NOL6: variants seen among roughly 807,000 people sequenced by gnomAD.
NOL6 encodes nucleolar RNA-associated protein.
A neutral mutation model predicts 131.7 loss-of-function variants in NOL6; 33 were observed. The ratio of observed to expected loss-of-function variants is 0.25; its 90% CI spans 0.19 to 0.33. The LOEUF is 0.33. Ranked by LOEUF, NOL6 falls within the 10% of genes least tolerant of loss-of-function variation. The pLI, the probability that NOL6 is intolerant of heterozygous loss-of-function variation, is 1.00. For synonymous variants in NOL6, 580 were observed against 605.7 expected, an observed-to-expected ratio of 0.96 and a Z score of 0.62; for missense variants, 1,297 against 1,494.5, an observed-to-expected ratio of 0.87 and a Z score of 2.18.
At position 33,463,322 on chromosome 9, in the gene NOL6, G is replaced by A. The variant is rs1388339632; in HGVS notation, c.3114C>T (p.Leu1038=). The A allele has an allele frequency of 2.5e-6, 4 of 1,614,112 alleles. No individual in the cohort carries two copies. The Admixed American group carries it at 5.0e-5, about 20-fold the overall frequency. ...TCAGGGATGAGGGCCCCGGCTGGCTGAGCAGGCCCCGGCAGAAGGAGGCAG... is the reference window on the plus strand; with the variant it reads ...TCAGGGATGAGGGCCCCGGCTGGCTAAGCAGGCCCCGGCAGAAGGAGGCAG... The part of the protein sequence containing the change: ...SPAASFCRGL[L]SQPGPSSLMP... The change falls in exon 24 of 26, where the codon CTC becomes CTT. Residue 1038 remains leucine (L), a synonymous_variant. Coordinates refer to ENST00000297990, the MANE Select transcript of NOL6 (RefSeq NM_022917.5).
At chr9:33,469,893 G>T in intron 4 of NOL6, 119 bp downstream of exon 4, 1 of 1,159,720 alleles carries the variant, frequency 8.6e-7, no homozygotes, top group Non-Finnish European at 1.2e-6. Context: ...GCAATGGTCT[G>T]CTCTTCTGAT....
Position 33,462,611 on chromosome 9 carries a change from C to T in NOL6, c.*53G>A. 6.3e-7 allele frequency: 1 copy of T among 1,598,420 alleles called. No homozygotes were observed. On this transcript the variant is annotated 3_prime_UTR_variant, in exon 26 of 26. Coordinates refer to ENST00000297990, the MANE Select transcript of NOL6 (RefSeq NM_022917.5). Reference sequence around the variant, plus strand: ...TGGAGGTCATCCTACTGACATCTTGCTCTAGAGGTCCAATGTCCTGCTGTC... The same window carrying T: ...TGGAGGTCATCCTACTGACATCTTGTTCTAGAGGTCCAATGTCCTGCTGTC...
chr9:33,473,864 C>A lies in NOL6; in HGVS notation c.-22G>T. 6.3e-7 allele frequency: 1 copy of A among 1,594,334 alleles called. No individual in the cohort carries two copies. The highest frequency in any genetic ancestry group is 8.5e-7 in the Non-Finnish European group (1 of 1,179,726). The stretch of plus-strand genomic sequence containing the variant: ...CCATCACTCAGGGTCCAGCACTCTC[C>A]CGCACTTCAGATTCTAGCCGGGTCT... On this transcript the variant is annotated 5_prime_UTR_variant, in exon 1 of 26. Coordinates refer to ENST00000297990, the MANE Select transcript of NOL6 (RefSeq NM_022917.5).
At chr9:33,473,695 T>G in intron 1 of NOL6, 94 bp downstream of exon 1, 1 of 1,466,902 alleles carries the variant, frequency 6.8e-7, no homozygotes, top group Non-Finnish European at 9.4e-7. Flanking sequence ...CCGGCATGGC[T>G]TTCACCCGCA....
chr9:33,466,485 G>T (rs1193710586), intron 16 of NOL6, 60 bp from the exon 17 acceptor site: 1 of 1,612,064 alleles, frequency 6.2e-7, no homozygotes, highest in Non-Finnish European at 8.5e-7. Context: ...CCCAGAGTCA[G>T]GAGTTGGAAG....
At position 33,471,890 on chromosome 9, in the gene NOL6, G is replaced by A. The variant is rs908365248; in HGVS notation, c.378+114C>T. Reference sequence around the variant, plus strand: ...TCCCAGCTAAGCTTCCTTGCTGTGAGAATGAGCTCCCTGCACCCCAACCCT... The same window carrying A: ...TCCCAGCTAAGCTTCCTTGCTGTGAAAATGAGCTCCCTGCACCCCAACCCT... On this transcript the variant is annotated intron_variant, in intron 3 of 25. Transcript: ENST00000297990. The A allele has an allele frequency of 2.2e-5, 17 of 779,630 alleles. No homozygotes were observed. The African/African-American group carries it at 2.7e-4, about 13-fold the overall frequency. The allele number at this position is 779,630 out of a possible 1,614,324, so 48.3% of individuals were successfully genotyped here. A position where few individuals can be genotyped will look rare whatever the true frequency, so the allele number is the denominator to read the frequency against.
In NOL6 at chr9:33,467,298, G is replaced by T; in HGVS notation, c.1726-36C>A. On this transcript the variant is annotated intron_variant, in intron 13 of 25. Transcript: ENST00000297990. This position sits in a 1 kb window ranked among gnomAD's most constrained non-coding sequence, Gnocchi z 4.4. ...AAGGGTGGTAGTAGAGCTGGGGAAGGAAGGGCTCTGTGGACCCTCCCCAAC... is the reference window on the plus strand; with the variant it reads ...AAGGGTGGTAGTAGAGCTGGGGAAGTAAGGGCTCTGTGGACCCTCCCCAAC... 6.2e-7 allele frequency: 1 copy of T among 1,611,790 alleles called. No homozygotes were observed.
At chr9:33,466,011 C>G (rs747267905) in intron 18 of NOL6, 60 bp downstream of exon 18, 10 of 1,558,770 alleles carry the variant, frequency 6.4e-6, no homozygotes, top group Non-Finnish European at 8.7e-6. Flanking sequence ...TCTTCTTCCA[C>G]GCCCTGACAT....
Position 33,463,390 on chromosome 9 carries a change from G to A in NOL6, c.3046C>T (p.Pro1016Ser), listed in dbSNP as rs533529372. The A allele has an allele frequency of 6.8e-6, 11 of 1,614,108 alleles. No homozygotes were observed. Among genetic ancestry groups the A allele is most frequent in the South Asian group, 5.5e-5 (5 of 91,066 alleles). Residue 1016 changes from proline to serine, a missense_variant, in exon 24 of 26, where the codon CCT (proline) becomes TCT (serine). Physicochemically the swap from Pro to Ser is moderately conservative, Grantham distance 74. Coordinates refer to ENST00000297990, the MANE Select transcript of NOL6 (RefSeq NM_022917.5). ...TGGCGGTGCCGCGGGATATGGCGAGGAGACAGGCGAATCAGCACGTCGTAA... is the reference window on the plus strand; with the variant it reads ...TGGCGGTGCCGCGGGATATGGCGAGAAGACAGGCGAATCAGCACGTCGTAA... ...DIYDVLIRLSPRHIPRHRQAV... is the reference protein window; with the variant it reads ...DIYDVLIRLSSRHIPRHRQAV...
In NOL6 at chr9:33,473,869, C is replaced by G. The variant is rs763300577; in HGVS notation, c.-27G>C. ...ACTCAGGGTCCAGCACTCTCCCGCA[C>G]TTCAGATTCTAGCCGGGTCTATACC... On this transcript the variant is annotated 5_prime_UTR_variant, in exon 1 of 26. Coordinates refer to ENST00000297990, the MANE Select transcript of NOL6 (RefSeq NM_022917.5). 2 of 1,609,512 alleles carry G rather than the reference C, an allele frequency of 1.2e-6. No homozygotes were observed. Among genetic ancestry groups the G allele is most frequent in the Non-Finnish European group, 1.7e-6 (2 of 1,179,930 alleles).
chr9:33,469,417 C>T, intron 5 of NOL6, 76 bp from the exon 6 acceptor site: 1 of 1,607,130 alleles, frequency 6.2e-7, no homozygotes. Context: ...TCCCCCCATA[C>T]TTGAGGCCTC....
At chr9:33,469,982 G>C (rs377326905) in intron 4 of NOL6, 30 bp downstream of exon 4, 1 of 1,516,918 alleles carries the variant, frequency 6.6e-7, no homozygotes, top group African/African-American at 1.4e-5. Context: ...TCAGGTGGTG[G>C]GCCTCTATCC....
intron 3 of NOL6, among the ~76,000 whole-genome samples, chr9:33,471,370 T>C (rs10813984): frequency 0.12 from 18,809 of 152,226 alleles, 1,386 homozygotes; most frequent in East Asian, 0.25. Context: ...ACAGCCAAAG[T>C]CCCTACTTCG....
rs548596751 is a variant in NOL6, at chr9:33,462,862, C to T, written c.3292-49G>A. 36 of 1,607,576 alleles carry T rather than the reference C, an allele frequency of 2.2e-5. No homozygotes were observed. The South Asian group carries it at 3.9e-4, about 17-fold the overall frequency. On this transcript the variant is annotated intron_variant, in intron 25 of 25. Transcript: ENST00000297990. ...TGGGTTGAGTGTCACAGCGGCACAC[C>T]CAGAGACACCAAGCTGGGTACAGAG... is the stretch of plus-strand genomic sequence containing the variant.
chr9:33,465,982 C>G (rs535227918), intron 18 of NOL6, 85 bp from the exon 19 acceptor site: 36 of 1,569,078 alleles, frequency 2.3e-5, no homozygotes, highest in Non-Finnish European at 3.0e-5. Flanking sequence ...TATTACCCAG[C>G]GTGGTACCCA....
rs1167090312 is a variant in NOL6, at chr9:33,469,527, C to T, written c.699G>A (p.Leu233=). 1 of 1,610,032 alleles carries T rather than the reference C, an allele frequency of 6.2e-7. No homozygotes were observed. Among genetic ancestry groups the T allele is most frequent in the South Asian group, 1.1e-5 (1 of 90,636 alleles). Residue 233 remains leucine, a synonymous_variant, in exon 5 of 26, where the codon CTG becomes CTA. Coordinates refer to ENST00000297990, the MANE Select transcript of NOL6 (RefSeq NM_022917.5). The stretch of plus-strand genomic sequence containing the variant: ...GCGGCCGCAGCAACAGTGAGGGTTT[C>T]AGGTGGCAGCCATTTGTGTAGGAGA... ...VCFSYTNGCH[L]KPSLLLRPRG...
At chr9:33,473,767 C>T (rs1250339382) in intron 1 of NOL6, 22 bp downstream of exon 1, 3 of 1,611,566 alleles carry the variant, frequency 1.9e-6, no homozygotes, top group Non-Finnish European at 2.5e-6. Context: ...AGCCTCTGTT[C>T]CTCCCCGATG....
At chr9:33,471,292 A>G (rs1020574126) in intron 3 of NOL6, among the ~76,000 whole-genome samples, 3 of 152,280 alleles carry the variant, frequency 2.0e-5, no homozygotes, top group African/African-American at 7.2e-5. Flanking sequence ...GTGAACTTTT[A>G]AAAGTTAGAG....
At chr9:33,468,594 G>A (rs372288038) in intron 8 of NOL6, 28 bp from the exon 9 acceptor site, 25 of 1,613,088 alleles carry the variant, frequency 1.5e-5, no homozygotes, top group African/African-American at 1.5e-4. Context: ...TGTATTAGAA[G>A]GTATCCCCTT....
Sources: allele counts gnomAD v4.1 joint callset (sites outside exome capture counted in the v4.1 genomes callset), GRCh38; gene constraint gnomAD v4.1.1; non-coding constraint Gnocchi (gnomAD v3.1); transcripts MANE v1.5; gene names NCBI Gene and HGNC (gene_info 2026-07-23, HGNC 2026-07-21).